The following ZNF407 variants were observed in gnomAD, a reference collection of about 807,000 sequenced individuals.
ZNF407 encodes zinc finger protein 407.
Under a neutral mutation model 131.2 loss-of-function variants are expected in ZNF407, and 17 were observed. The observed-to-expected ratio is 0.13, with a 90% CI of 0.09 to 0.19. The LOEUF (loss-of-function observed/expected upper bound fraction) is 0.19, where lower values mean the gene tolerates loss of function less well. ZNF407 is among the 10% of genes least tolerant of loss of function. The probability of loss-of-function intolerance (pLI) is 1.00; values close to 1 mark genes in which losing one functional copy is unlikely to be tolerated. For missense variants in ZNF407, 2,681 were observed against 2,830.6 expected, an observed-to-expected ratio of 0.95 and a Z score of 1.20; for synonymous variants, 1,156 against 1,062.0, an observed-to-expected ratio of 1.09 and a Z score of -1.72.
chr18:74,847,407 A>G (rs1169544202), intron 4 of ZNF407, among the ~76,000 whole-genome samples: 2 of 152,140 alleles, frequency 1.3e-5, no homozygotes, highest in African/African-American at 4.8e-5. Flanking sequence ...ACCTCTTCCC[A>G]CTTCAAAACT....
intron 4 of ZNF407, chr18:74,804,730 G>A (rs1036052873): frequency 1.4e-5 from 8 of 587,814 alleles, no homozygotes; most frequent in African/African-American, 2.0e-5. Flanking sequence ...GATATTCTCC[G>A]GAAGGTTAGC....
chr18:74,774,745 T>C (rs892177347), intron 3 of ZNF407, among the ~76,000 whole-genome samples: 10 of 152,252 alleles, frequency 6.6e-5, no homozygotes, highest in African/African-American at 2.4e-4. Context: ...GTGTGTCTTA[T>C]AGACTGTGTA....
intron 3 of ZNF407, among the ~76,000 whole-genome samples, chr18:74,720,469 G>GT (rs772556760): frequency 6.6e-4 from 99 of 151,010 alleles, no homozygotes; most frequent in Admixed American, 2.3e-3. Flanking sequence ...TCACTCTGTT[G>GT]TTTTTTTTCT....
intron 8 of ZNF407, among the ~76,000 whole-genome samples, chr18:75,035,708 T>A (rs752022729): frequency 6.6e-6 from 1 of 152,250 alleles, no homozygotes; most frequent in Non-Finnish European, 1.5e-5. Flanking sequence ...GCTAGACAGC[T>A]CATCCCAGTG....
rs373274510 is a variant in ZNF407 at position 74,958,938 on chromosome 18, G to T, written c.5428+38246G>T. Among the ~76,000 whole-genome samples the T allele has an allele frequency of 3.3e-5, 5 of 152,328 alleles. No homozygotes were observed. In the South Asian group the frequency reaches 6.2e-4, roughly 19 times the overall value. On this transcript the variant is annotated intron_variant, in intron 8 of 8. Coordinates refer to ENST00000299687, the MANE Select transcript of ZNF407 (RefSeq NM_017757.3). Reference sequence around the variant, plus strand: ...CAGGGTTGACAGGTGGATAGGATTTGAATGGAGAGGCGGAAGTTACTGGAC... The same window carrying T: ...CAGGGTTGACAGGTGGATAGGATTTTAATGGAGAGGCGGAAGTTACTGGAC...
chr18:74,722,918 T>C (rs1005925716), intron 3 of ZNF407, among the ~76,000 whole-genome samples: 1 of 152,156 alleles, frequency 6.6e-6, no homozygotes, highest in Non-Finnish European at 1.5e-5. Context: ...TTTTCTGTTT[T>C]TCTACTTGAA....
chr18:74,740,940 C>A (rs1227407195), intron 3 of ZNF407, among the ~76,000 whole-genome samples: 5 of 152,154 alleles, frequency 3.3e-5, no homozygotes, highest in Admixed American at 6.5e-5. Context: ...CCCAAATCAG[C>A]TCGGTACCAG....
chr18:74,996,527 A>T (rs1972782533), intron 8 of ZNF407, among the ~76,000 whole-genome samples: 1 of 152,254 alleles, frequency 6.6e-6, no homozygotes, highest in South Asian at 2.1e-4. Flanking sequence ...GCAGATGCAC[A>T]AAAGGCAGGG....
chr18:74,962,789 T>A (rs1972362284), intron 8 of ZNF407, among the ~76,000 whole-genome samples: 1 of 152,204 alleles, frequency 6.6e-6, no homozygotes, highest in Admixed American at 6.5e-5. Context: ...AGCACTTACG[T>A]GCTCTGTTGA....
intron 3 of ZNF407, among the ~76,000 whole-genome samples, chr18:74,758,282 T>C (rs1969010081): frequency 6.6e-6 from 1 of 152,146 alleles, no homozygotes; most frequent in Admixed American, 6.5e-5. Flanking sequence ...TACTTCCTTA[T>C]TCAGTTCATG....
intron 8 of ZNF407, among the ~76,000 whole-genome samples, chr18:74,925,569 A>G (rs936461585): frequency 1.3e-5 from 2 of 152,256 alleles, no homozygotes; most frequent in African/African-American, 4.8e-5. Context: ...ACCTTGTAGA[A>G]TAGAATGCAG....
At chr18:74,760,069 C>T (rs1384560603) in intron 3 of ZNF407, among the ~76,000 whole-genome samples, 2 of 151,870 alleles carry the variant, frequency 1.3e-5, no homozygotes, top group African/African-American at 4.8e-5. Flanking sequence ...CAGATCCCTT[C>T]CTCCTCAGAG....
At chr18:74,890,115 A>G (rs1971363986) in intron 7 of ZNF407, 77 bp downstream of exon 7, 2 of 1,352,002 alleles carry the variant, frequency 1.5e-6, no homozygotes, top group African/African-American at 3.0e-5. Context: ...CCCAATTAGA[A>G]GTGTAGTTTT....
At chr18:74,746,694 A>G (rs1000757497) in intron 3 of ZNF407, among the ~76,000 whole-genome samples, 5 of 152,014 alleles carry the variant, frequency 3.3e-5, no homozygotes, top group African/African-American at 7.2e-5. Flanking sequence ...TTCAGGTGCG[A>G]TAACAGTTGT....
intron 4 of ZNF407, among the ~76,000 whole-genome samples, chr18:74,827,161 G>T (rs1429152887): frequency 6.6e-6 from 1 of 152,126 alleles, no homozygotes; most frequent in Non-Finnish European, 1.5e-5. Context: ...CCTCGGTTTG[G>T]ATTGATCTGA....
At chr18:74,735,920 C>T (rs983176017) in intron 3 of ZNF407, among the ~76,000 whole-genome samples, 5 of 152,132 alleles carry the variant, frequency 3.3e-5, no homozygotes, top group African/African-American at 7.2e-5. Flanking sequence ...ATGAGCAGAA[C>T]GACACTAACT....
chr18:74,627,558 C>T (rs1049026941), intron 1 of ZNF407, among the ~76,000 whole-genome samples: 3 of 150,614 alleles, frequency 2.0e-5, no homozygotes, highest in Non-Finnish European at 3.0e-5. Flanking sequence ...CTCCAACTCC[C>T]AGGCTCAAGT....
At chr18:74,850,496 G>A (rs1363149167) in intron 4 of ZNF407, among the ~76,000 whole-genome samples, 3 of 151,904 alleles carry the variant, frequency 2.0e-5, no homozygotes, top group East Asian at 3.9e-4. Flanking sequence ...GCCTGTTTCC[G>A]TACCCTACCT....
chr18:75,045,816 C>A (rs1314330297), intron 8 of ZNF407, among the ~76,000 whole-genome samples: 1 of 152,090 alleles, frequency 6.6e-6, no homozygotes, highest in Non-Finnish European at 1.5e-5. Context: ...GATTGCAGAT[C>A]AAGTATGCAT....
Sources: allele counts gnomAD v4.1 joint callset (sites outside exome capture counted in the v4.1 genomes callset), GRCh38; gene constraint gnomAD v4.1.1; transcripts MANE v1.5; gene names NCBI Gene and HGNC (gene_info 2026-07-23, HGNC 2026-07-21).